The following PLAC1 variants were observed in gnomAD, a reference collection of about 807,000 sequenced individuals.
PLAC1 encodes placenta associated 1.
For synonymous variants in PLAC1, 68 were observed against 62.1 expected (o/e 1.09, Z -0.44); for missense variants, 136 against 163.2 (o/e 0.83, Z 0.91).
intron 2 of PLAC1, among the ~76,000 whole-genome samples, chrX:134,727,765 C>T (rs1330572485): frequency 9.0e-6 from 1 of 111,682 alleles, no homozygotes; most frequent in African/African-American, 3.3e-5. Flanking sequence ...AGAAATAGCC[C>T]ATACAAAGGA....
intron 2 of PLAC1, among the ~76,000 whole-genome samples, chrX:134,699,672 G>A (rs890505666): frequency 8.9e-6 from 1 of 112,300 alleles, no homozygotes; most frequent in Admixed American, 9.4e-5. Context: ...AGTGCAAACT[G>A]ACTAAGACAG....
intron 1 of PLAC1, among the ~76,000 whole-genome samples, chrX:134,740,294 GCAA>G (rs1308658938): frequency 1.0e-5 from 1 of 99,074 alleles, no homozygotes; most frequent in African/African-American, 4.0e-5. Context: ...TCCAGCCTGG[GCAA>G]CAACAGTGAA....
At chrX:134,575,002 T>C (rs1390929210) in intron 2 of PLAC1, among the ~76,000 whole-genome samples, 1 of 111,483 alleles carries the variant, frequency 9.0e-6, no homozygotes, top group Non-Finnish European at 1.9e-5. Context: ...CCCAGTTCCA[T>C]ACACAGATAC....
chrX:134,656,071 C>G (rs1373752316), intron 1 of PLAC1, among the ~76,000 whole-genome samples: 2 of 112,118 alleles, frequency 1.8e-5, no homozygotes, highest in African/African-American at 6.5e-5. Context: ...TCCTAATTGA[C>G]CCCTCTAGTG....
intron 2 of PLAC1, among the ~76,000 whole-genome samples, chrX:134,670,706 G>C (rs1943981742): frequency 8.9e-6 from 1 of 112,067 alleles, no homozygotes; most frequent in African/African-American, 3.3e-5. Context: ...GTAGCCTCCA[G>C]CCCTGCCATG....
intron 2 of PLAC1, among the ~76,000 whole-genome samples, chrX:134,691,173 G>A (rs954213446): frequency 1.8e-4 from 18 of 100,618 alleles, no homozygotes; most frequent in Non-Finnish European, 3.2e-4. Flanking sequence ...CTACCTTACA[G>A]GGCTGCTGTG....
intron 2 of PLAC1, among the ~76,000 whole-genome samples, chrX:134,572,144 G>A (rs902013137): frequency 9.0e-6 from 1 of 111,322 alleles, no homozygotes; most frequent in Non-Finnish European, 1.9e-5. Flanking sequence ...ATCTGAGTCA[G>A]AATAAAGATT....
intron 2 of PLAC1, among the ~76,000 whole-genome samples, chrX:134,676,621 G>A (rs1024026449): frequency 5.3e-5 from 6 of 112,159 alleles, no homozygotes; most frequent in African/African-American, 9.7e-5. Flanking sequence ...CATACTCCCC[G>A]GCCCTGCCCT....
At chrX:134,612,458 C>G (rs1005352967) in intron 1 of PLAC1, among the ~76,000 whole-genome samples, 4 of 112,257 alleles carry the variant, frequency 3.6e-5, no homozygotes, top group African/African-American at 1.3e-4. Flanking sequence ...TGTTTCATCT[C>G]TTATAAGCTA....
intron 2 of PLAC1, among the ~76,000 whole-genome samples, chrX:134,671,450 G>A (rs1437881322): frequency 2.7e-5 from 3 of 111,087 alleles, no homozygotes; most frequent in African/African-American, 9.8e-5. Context: ...ACCTAAGACT[G>A]GGTAATTTAT....
intron 1 of PLAC1, among the ~76,000 whole-genome samples, chrX:134,742,510 C>T (rs2078719441): frequency 1.8e-5 from 2 of 111,504 alleles, no homozygotes; most frequent in South Asian, 7.6e-4. Flanking sequence ...ATCACTTGAA[C>T]CCAGGAGGCG....
At chrX:134,569,105 A>C (rs190987753) in intron 2 of PLAC1, among the ~76,000 whole-genome samples, 2 of 111,506 alleles carry the variant, frequency 1.8e-5, no homozygotes, top group South Asian at 3.8e-4. Flanking sequence ...TTAACACCCA[A>C]GTTTAAGGCT....
At chrX:134,746,549 C>A (rs1223277762) in intron 1 of PLAC1, among the ~76,000 whole-genome samples, 1 of 111,926 alleles carries the variant, frequency 8.9e-6, no homozygotes, top group Non-Finnish European at 1.9e-5. Context: ...TGTTTTTGGA[C>A]TTGACCCAAT....
chrX:134,742,545 G>A (rs760868831), intron 1 of PLAC1, among the ~76,000 whole-genome samples: 134 of 110,234 alleles, frequency 1.2e-3, no homozygotes, highest in Non-Finnish European at 2.2e-3. Flanking sequence ...CAGAGATCAC[G>A]CCACTGCACT....
At chrX:134,572,173 G>A (rs761966346) in intron 2 of PLAC1, among the ~76,000 whole-genome samples, 34 of 111,009 alleles carry the variant, frequency 3.1e-4, no homozygotes, top group Admixed American at 2.7e-3. Flanking sequence ...AGACAAGAAC[G>A]GAAAAAAAGG....
intron 2 of PLAC1, among the ~76,000 whole-genome samples, chrX:134,593,933 C>A (rs1320529546): frequency 1.8e-5 from 2 of 111,533 alleles, no homozygotes; most frequent in African/African-American, 6.5e-5. Context: ...GAATGTCCAG[C>A]ACTATGATGA....
chrX:134,586,726 A>C (rs2078003676), intron 2 of PLAC1, among the ~76,000 whole-genome samples: 1 of 94,666 alleles, frequency 1.1e-5, no homozygotes. Context: ...GCTGGAGTGC[A>C]ATGGCATGAT....
intron 1 of PLAC1, among the ~76,000 whole-genome samples, chrX:134,735,523 T>C (rs1249499217): frequency 9.0e-6 from 1 of 111,250 alleles, no homozygotes; most frequent in Non-Finnish European, 1.9e-5. Context: ...TAAAAGGCAG[T>C]AAAGCTCTTC....
intron 1 of PLAC1, among the ~76,000 whole-genome samples, chrX:134,616,995 TG>T (rs752522981): frequency 2.9e-5 from 3 of 103,697 alleles, no homozygotes; most frequent in African/African-American, 7.1e-5. Flanking sequence ...TTTTTTTTGG[TG>T]GGGGGGTGGG....
Sources: allele counts gnomAD v4.1 joint callset (sites outside exome capture counted in the v4.1 genomes callset), GRCh38; gene constraint gnomAD v4.1.1; transcripts MANE v1.5; gene names NCBI Gene and HGNC (gene_info 2026-07-23, HGNC 2026-07-21).